The following STK38 variants were observed in gnomAD, a reference collection of about 807,000 sequenced individuals.
STK38 encodes serine/threonine-protein kinase 38.
Under a neutral mutation model 59.0 loss-of-function variants are expected in STK38, and 26 were observed. The ratio of observed to expected loss-of-function variants is 0.44; its 90% CI spans 0.32 to 0.61. The LOEUF (loss-of-function observed/expected upper bound fraction) is 0.61, where lower values mean the gene tolerates loss of function less well. Among genes scored for constraint, STK38 ranks in the 20% least tolerant of loss-of-function variants. STK38 has a pLI of 0.04. For synonymous variants in STK38, 175 were observed against 176.6 expected (o/e 0.99, Z 0.07); for missense variants, 433 against 566.0 (o/e 0.76, Z 2.38).
chr6:36,517,693 G>A, intron 6 of STK38, 24 bp downstream of exon 6: 1 of 1,607,224 alleles, frequency 6.2e-7, no homozygotes, highest in Non-Finnish European at 8.5e-7. Flanking sequence ...AAGAAAAAAT[G>A]ACCTTTCATC....
Position 36,515,368 on chromosome 6 carries a change from G to A in STK38, c.639C>T (p.Ile213=). The A allele has an allele frequency of 6.2e-7, 1 of 1,614,128 alleles. No individual in the cohort carries two copies. Among genetic ancestry groups the A allele is most frequent in the Non-Finnish European group, 8.5e-7 (1 of 1,180,020 alleles). ...TGTCCAAAAGAAGGTTGTCTGGTTTGATGTCTCTGTGGATGAATCCAAGTT... is the reference window on the plus strand; with the variant it reads ...TGTCCAAAAGAAGGTTGTCTGGTTTAATGTCTCTGTGGATGAATCCAAGTT... The part of the protein sequence containing the change: ...IHQLGFIHRD[I]KPDNLLLDSK... The change falls in exon 7 of 14, where the codon ATC becomes ATT. Residue 213 remains isoleucine, a synonymous_variant. Transcript: ENST00000229812.
intron 5 of STK38, among the ~76,000 whole-genome samples, chr6:36,521,204 A>C (rs915735772): frequency 2.0e-4 from 30 of 152,172 alleles, no homozygotes; most frequent in Non-Finnish European, 4.0e-4. Flanking sequence ...TGTCATTTGC[A>C]TTGTATTTTT....
intron 7 of STK38, 66 bp downstream of exon 7, chr6:36,515,272 G>C (rs1777221321): frequency 6.4e-7 from 1 of 1,556,800 alleles, no homozygotes; most frequent in Non-Finnish European, 8.7e-7. Flanking sequence ...CAGGGGTGCA[G>C]GTGTTAAAGC....
chr6:36,538,446 T>C (rs1258036438), intron 2 of STK38, among the ~76,000 whole-genome samples: 1 of 152,250 alleles, frequency 6.6e-6, no homozygotes, highest in African/African-American at 2.4e-5. Flanking sequence ...GTGTATGCAA[T>C]TGTCAAAACT....
At chr6:36,546,991 C>T (rs780733367) in intron 1 of STK38, among the ~76,000 whole-genome samples, 199 bp downstream of exon 1, 1 of 151,312 alleles carries the variant, frequency 6.6e-6, no homozygotes, top group Non-Finnish European at 1.5e-5. Context: ...TGGAGAGGGC[C>T]AACAAGGGGC....
At chr6:36,541,249 A>G (rs922704292) in intron 1 of STK38, among the ~76,000 whole-genome samples, 1 of 152,202 alleles carries the variant, frequency 6.6e-6, no homozygotes, top group Non-Finnish European at 1.5e-5. Flanking sequence ...TTGCATTTTT[A>G]AAAAGAGAAC....
In STK38 at chr6:36,513,035, T is replaced by A. The variant is rs571728468; in HGVS notation, c.669+2303A>T. On this transcript the variant is annotated intron_variant, in intron 7 of 13. Coordinates refer to ENST00000229812, the MANE Select transcript of STK38 (RefSeq NM_007271.4). The stretch of plus-strand genomic sequence containing the variant: ...ATGTTTATGCATTATTATTATTATT[T>A]TTTAGATGGAGTCTTGCTCTGTCCC... Among the ~76,000 whole-genome samples the A allele has an allele frequency of 1.7e-4, 26 of 152,132 alleles. No homozygotes were observed. The East Asian group carries it at 4.4e-3, about 26-fold the overall frequency.
In STK38 at chr6:36,515,340, T is replaced by C; in HGVS notation, c.667A>G (p.Lys223Glu). 6.2e-7 allele frequency: 1 copy of C among 1,613,902 alleles called. No individual in the cohort carries two copies. Among genetic ancestry groups the C allele is most frequent in the Non-Finnish European group, 8.5e-7 (1 of 1,179,918 alleles). ...IKPDNLLLDS[K>E]GHVKLSDFGL... is the part of the protein sequence containing the mutation. The stretch of plus-strand genomic sequence containing the variant: ...TCATGCCAATGCCCCCCCAATACCT[T>C]GCTGTCCAAAAGAAGGTTGTCTGGT... The change falls in exon 7 of 14, where the codon AAG becomes GAG. Residue 223 changes from lysine (K) to glutamate (E), a missense_variant and splice_region_variant. Physicochemically the swap from Lys to Glu is moderately conservative, Grantham distance 56 (BLOSUM62 1). Transcript: ENST00000229812.
chr6:36,498,582 CTTTT>C, intron 10 of STK38, 96 bp from the exon 11 acceptor site: 6 of 1,038,978 alleles, frequency 5.8e-6, no homozygotes, highest in Non-Finnish European at 6.6e-6. Flanking sequence ...CTTTTTTTTT[CTTTT>C]TTCTTTTTTT....
chr6:36,521,961 C>G lies in STK38; in HGVS notation c.307-144G>C, dbSNP rs1032629954. On this transcript the variant is annotated intron_variant, in intron 4 of 13. Coordinates refer to ENST00000229812, the MANE Select transcript of STK38 (RefSeq NM_007271.4). ...AGTAATAACAAAGCAGAAGAAAATG[C>G]TTTTCAGTGTTCCAAAATGAATACA... 9 of 605,692 alleles carry G rather than the reference C, an allele frequency of 1.5e-5. No homozygotes were observed. In the African/African-American group the frequency reaches 1.7e-4, roughly 12 times the overall value. The allele number at this position is 605,692 out of a possible 1,614,324, so 37.5% of individuals were successfully genotyped here. A position where few individuals can be genotyped will look rare whatever the true frequency, so the allele number is the denominator to read the frequency against.
chr6:36,514,779 C>T (rs1777208229), intron 7 of STK38, among the ~76,000 whole-genome samples: 1 of 143,294 alleles, frequency 7.0e-6, no homozygotes, highest in Admixed American at 7.3e-5. Context: ...ACCCAGGAGG[C>T]GGAGGTTGCA....
intron 2 of STK38, among the ~76,000 whole-genome samples, chr6:36,528,413 T>A (rs1266908204): frequency 6.6e-6 from 1 of 152,114 alleles, no homozygotes; most frequent in Non-Finnish European, 1.5e-5. Flanking sequence ...AAAACTAGAA[T>A]GAAGTGAATA....
At chr6:36,504,779 TTG>T (rs1457234686) in intron 9 of STK38, among the ~76,000 whole-genome samples, 1 of 151,670 alleles carries the variant, frequency 6.6e-6, no homozygotes, top group Non-Finnish European at 1.5e-5. Context: ...GACATGACCC[TTG>T]GGTACACATC....
chr6:36,531,749 T>C (rs1777670844), intron 2 of STK38, among the ~76,000 whole-genome samples: 1 of 152,370 alleles, frequency 6.6e-6, no homozygotes, highest in East Asian at 1.9e-4. Flanking sequence ...GAAGCTACTA[T>C]ATTGTTTCTA....
At chr6:36,497,366 C>G (rs1228387481) in intron 12 of STK38, among the ~76,000 whole-genome samples, 1 of 152,258 alleles carries the variant, frequency 6.6e-6, no homozygotes, top group Non-Finnish European at 1.5e-5. Flanking sequence ...AATTTTCACT[C>G]TCCCTTTCCC....
chr6:36,529,509 T>C (rs1438372116), intron 2 of STK38, among the ~76,000 whole-genome samples: 1 of 152,166 alleles, frequency 6.6e-6, no homozygotes, highest in Non-Finnish European at 1.5e-5. Flanking sequence ...TCAATTCCAA[T>C]GTTCAAAACC....
At chr6:36,541,344 AG>A (rs1226543323) in intron 1 of STK38, among the ~76,000 whole-genome samples, 3 of 152,182 alleles carry the variant, frequency 2.0e-5, no homozygotes, top group African/African-American at 7.2e-5. Flanking sequence ...GCCAAGACAG[AG>A]GTCTGCTTGA....
intron 5 of STK38, among the ~76,000 whole-genome samples, chr6:36,519,819 T>C (rs1777339090): frequency 6.6e-6 from 1 of 152,122 alleles, no homozygotes; most frequent in African/African-American, 2.4e-5. Context: ...CAACTGAAGG[T>C]TTTCCTTTTG....
At chr6:36,504,940 G>C (rs9470301) in intron 9 of STK38, among the ~76,000 whole-genome samples, 6 of 138,182 alleles carry the variant, frequency 4.3e-5, no homozygotes, top group African/African-American at 1.6e-4. Flanking sequence ...AGAAAAGAAA[G>C]GAAAGAAAGA....
Sources: gnomAD v4.1 joint callset for allele counts (sites outside exome capture counted in the v4.1 genomes callset) on GRCh38, gnomAD v4.1.1 for gene constraint, MANE v1.5 for transcripts, NCBI Gene and HGNC (gene_info 2026-07-23, HGNC 2026-07-21) for gene names.